Variants in WWOX observed in about 807,000 individuals in gnomAD.
The protein encoded by WWOX is WW domain-containing oxidoreductase.
A neutral mutation model predicts 46.2 loss-of-function variants in WWOX; 69 were observed. The observed-to-expected ratio is 1.49, with a 90% CI of 1.23 to 1.82. WWOX has a LOEUF of 1.82. Among genes scored for constraint, WWOX ranks in the 40% most tolerant of loss-of-function variants. The probability of loss-of-function intolerance (pLI) is 0.00; values close to 1 mark genes in which losing one functional copy is unlikely to be tolerated. For synonymous variants in WWOX, 359 were observed against 202.6 expected (o/e 1.77, Z -6.56); for missense variants, 919 against 542.6 (o/e 1.69, Z -6.89).
At chr16:79,065,468 C>T (rs2048424378) in intron 8 of WWOX, among the ~76,000 whole-genome samples, 1 of 152,154 alleles carries the variant, frequency 6.6e-6, no homozygotes, top group Non-Finnish European at 1.5e-5. Flanking sequence ...TGCACTGGGT[C>T]AGCCTCAGTT....
At chr16:78,662,496 G>A (rs1281948876) in intron 8 of WWOX, among the ~76,000 whole-genome samples, 1 of 152,128 alleles carries the variant, frequency 6.6e-6, no homozygotes, top group Admixed American at 6.5e-5. Context: ...TACCATGTAG[G>A]TGCTCATCCC....
At chr16:78,228,834 T>C (rs1190747601) in intron 5 of WWOX, among the ~76,000 whole-genome samples, 1 of 152,204 alleles carries the variant, frequency 6.6e-6, no homozygotes, top group Non-Finnish European at 1.5e-5. Flanking sequence ...GGTGTGGAAA[T>C]ACTCTACCTG....
chr16:78,560,015 T>G (rs1469663846), intron 8 of WWOX, among the ~76,000 whole-genome samples: 1 of 152,236 alleles, frequency 6.6e-6, no homozygotes, highest in Non-Finnish European at 1.5e-5. Context: ...TCAGAGAAAT[T>G]AGTGACATTG....
intron 5 of WWOX, among the ~76,000 whole-genome samples, chr16:78,320,710 C>T (rs1238018514): frequency 6.6e-6 from 1 of 152,048 alleles, no homozygotes; most frequent in Admixed American, 6.6e-5. Flanking sequence ...TGTTTCTAAC[C>T]ATCTGTTTCT....
chr16:78,729,608 C>T (rs79081209), intron 8 of WWOX, among the ~76,000 whole-genome samples: 1,775 of 152,162 alleles, frequency 0.012, 44 homozygotes, highest in African/African-American at 0.04. Flanking sequence ...AAGATCTCTT[C>T]CAGGGCCTCT....
At chr16:78,620,843 ATTTC>A (rs2046162927) in intron 8 of WWOX, among the ~76,000 whole-genome samples, 1 of 151,840 alleles carries the variant, frequency 6.6e-6, no homozygotes, top group Non-Finnish European at 1.5e-5. Context: ...TCCTCAGTTT[ATTTC>A]TTCTTTCATT....
chr16:78,309,014 C>A (rs1440971747), intron 5 of WWOX, among the ~76,000 whole-genome samples: 2 of 152,142 alleles, frequency 1.3e-5, no homozygotes, highest in Non-Finnish European at 2.9e-5. Context: ...TTGGCTACAT[C>A]CCCACCCAAA....
chr16:78,459,189 G>T (rs2083894663), intron 8 of WWOX, among the ~76,000 whole-genome samples: 1 of 152,166 alleles, frequency 6.6e-6, no homozygotes. Flanking sequence ...CTAGGCCAAG[G>T]CTATTAATTT....
intron 5 of WWOX, among the ~76,000 whole-genome samples, chr16:78,241,429 G>A (rs2037644783): frequency 1.3e-5 from 2 of 151,712 alleles, no homozygotes; most frequent in African/African-American, 2.4e-5. Context: ...TGTTTTTTTG[G>A]TTTGTTTGTT....
intron 8 of WWOX, among the ~76,000 whole-genome samples, chr16:78,756,125 T>C (rs751668776): frequency 2.0e-5 from 3 of 152,120 alleles, no homozygotes; most frequent in Non-Finnish European, 2.9e-5. Context: ...GGAGAGAGTA[T>C]ATAAAACACG....
chr16:78,494,932 G>A (rs1016181942), intron 8 of WWOX, among the ~76,000 whole-genome samples: 8 of 152,110 alleles, frequency 5.3e-5, no homozygotes, highest in African/African-American at 1.9e-4. Flanking sequence ...TCCTCTTTCG[G>A]TACTTTGTTG....
chr16:79,095,242 T>G (rs757644214), intron 8 of WWOX, among the ~76,000 whole-genome samples: 7 of 152,230 alleles, frequency 4.6e-5, no homozygotes, highest in South Asian at 2.1e-4. Flanking sequence ...TCTGGCTGTT[T>G]TATTTAGCGG....
Position 78,708,396 on chromosome 16 carries a change from A to G in WWOX, c.1056+275644A>G, listed in dbSNP as rs550828166. Among the ~76,000 whole-genome samples the G allele has an allele frequency of 5.4e-4, 83 of 152,312 alleles. No individual in the cohort carries two copies. In the Middle Eastern group the frequency reaches 0.01, roughly 19 times the overall value. ...TGTGTTTTTATTTGCTAGACGTAGC[A>G]CCTACCTGTGACATCTTTTTGTTTC... On this transcript the variant is annotated intron_variant, in intron 8 of 8. Transcript: ENST00000566780.
chr16:78,958,899 G>C (rs2046221108), intron 8 of WWOX, among the ~76,000 whole-genome samples: 1 of 152,180 alleles, frequency 6.6e-6, no homozygotes, highest in South Asian at 2.1e-4. Context: ...ACTCCATAGG[G>C]TGAGCATAGC....
chr16:78,679,836 T>A (rs1474877821), intron 8 of WWOX, among the ~76,000 whole-genome samples: 1 of 152,110 alleles, frequency 6.6e-6, no homozygotes, highest in Non-Finnish European at 1.5e-5. Context: ...GAGTCAACTG[T>A]TTTAGGGGCC....
chr16:78,569,988 C>A (rs1425776661), intron 8 of WWOX, among the ~76,000 whole-genome samples: 3 of 152,166 alleles, frequency 2.0e-5, no homozygotes, highest in African/African-American at 7.2e-5. Flanking sequence ...TCCTGAAGAG[C>A]TTGCAGTGGG....
At chr16:78,909,785 A>G (rs1261207092) in intron 8 of WWOX, among the ~76,000 whole-genome samples, 1 of 152,218 alleles carries the variant, frequency 6.6e-6, no homozygotes, top group Non-Finnish European at 1.5e-5. Flanking sequence ...GTCCAAATGT[A>G]GAGGGTCAGG....
In WWOX at chr16:79,063,641, T is replaced by C. The variant is rs78994997; in HGVS notation, c.1057-147967T>C. 3.9e-3 allele frequency among the ~76,000 whole-genome samples: 600 copies of C among 152,330 alleles called. 9 individuals are homozygous for C. Among genetic ancestry groups the C allele is most frequent in the African/African-American group, 0.014 (581 of 41,586 alleles). ...AGCCATCACTAGAAACACTGACTCT[T>C]GCGCGCTAGAGTGATGTTTTTCCTT... On this transcript the variant is annotated intron_variant, in intron 8 of 8. Coordinates refer to ENST00000566780, the MANE Select transcript of WWOX (RefSeq NM_016373.4).
chr16:78,853,804 T>A (rs995286238), intron 8 of WWOX, among the ~76,000 whole-genome samples: 1 of 152,050 alleles, frequency 6.6e-6, no homozygotes, highest in African/African-American at 2.4e-5. Flanking sequence ...CCATAAGCAG[T>A]CCTTGTTGTA....
Sources: gnomAD v4.1 joint callset for allele counts (sites outside exome capture counted in the v4.1 genomes callset) on GRCh38, gnomAD v4.1.1 for gene constraint, MANE v1.5 for transcripts, NCBI Gene and HGNC (gene_info 2026-07-23, HGNC 2026-07-21) for gene names.